The following AGR2 variants were observed in gnomAD, a reference collection of about 807,000 sequenced individuals.
AGR2 encodes anterior gradient 2, protein disulphide isomerase family member.
In AGR2, 27 loss-of-function variants were observed where a neutral mutation model predicts 25.9. The observed-to-expected ratio is 1.04, with a 90% CI of 0.77 to 1.44. The LOEUF (loss-of-function observed/expected upper bound fraction) is 1.44, where lower values mean the gene tolerates loss of function less well. Ranked by LOEUF, AGR2 falls within the 40% of genes most tolerant of loss-of-function variation. The pLI is 0.00. For synonymous variants in AGR2, 78 were observed against 72.0 expected, an observed-to-expected ratio of 1.08 and a Z score of -0.42; for missense variants, 182 against 200.9, an observed-to-expected ratio of 0.91 and a Z score of 0.57.
At chr7:16,804,301 A>T (rs904304275) in intron 1 of AGR2, among the ~76,000 whole-genome samples, 7 of 145,554 alleles carry the variant, frequency 4.8e-5, no homozygotes, top group African/African-American at 1.8e-4. Context: ...CACACACATT[A>T]TGTGAAGCCA....
At chr7:16,803,732 G>T (rs1003273394) in intron 1 of AGR2, among the ~76,000 whole-genome samples, 1 of 152,112 alleles carries the variant, frequency 6.6e-6, no homozygotes, top group Non-Finnish European at 1.5e-5. Flanking sequence ...CAACCTAAGT[G>T]TTCACTGTAA....
In AGR2 at chr7:16,792,911, C is replaced by T. The variant is rs753474844; in HGVS notation, c.525G>A (p.Leu175=). 1.2e-6 allele frequency: 2 copies of T among 1,613,728 alleles called. No homozygotes were observed. The highest frequency in any genetic ancestry group is 1.7e-6 in the Non-Finnish European group (2 of 1,179,784). ...AGGGCTTGGAGATTTTTTTTCTTTA[C>T]AATTCAGTCTTCAGCAACTTGAGAG... ...KKALKLLKTE[L] The change falls in exon 8 of 8, where the codon TTG becomes TTA. Residue 175 remains leucine, a synonymous_variant. Coordinates refer to ENST00000419304, the MANE Select transcript of AGR2 (RefSeq NM_006408.4).
chr7:16,797,806 C>G, intron 5 of AGR2, 112 bp from the exon 6 acceptor site: 1 of 750,020 alleles, frequency 1.3e-6, no homozygotes, highest in Middle Eastern at 3.0e-4. Context: ...GATATCATAA[C>G]TCTTCCACAC....
chr7:16,800,082 C>G (rs1785116033), intron 4 of AGR2, among the ~76,000 whole-genome samples: 1 of 152,154 alleles, frequency 6.6e-6, no homozygotes, highest in Non-Finnish European at 1.5e-5. Flanking sequence ...GTGTTACGCA[C>G]TGTGTTCTGT....
At chr7:16,796,015 T>C (rs149148027) in intron 6 of AGR2, among the ~76,000 whole-genome samples, 1,846 of 152,358 alleles carry the variant, frequency 0.012, 47 homozygotes, top group African/African-American at 0.041. Context: ...GAAGGGCTTT[T>C]TAAATACCCA....
intron 1 of AGR2, 132 bp from the exon 2 acceptor site, chr7:16,801,935 G>A (rs557899332): frequency 5.9e-5 from 39 of 665,782 alleles, no homozygotes; most frequent in African/African-American, 1.5e-4. Flanking sequence ...CGAGATTGGC[G>A]TAAATAGCTC....
intron 7 of AGR2, 186 bp downstream of exon 7, chr7:16,794,746 AAAAC>A (rs1785015073): frequency 5.6e-6 from 8 of 1,420,452 alleles, no homozygotes; most frequent in Non-Finnish European, 7.5e-6. Flanking sequence ...ATTGAGATTA[AAAAC>A]AAACAAACCT....
intron 7 of AGR2, 48 bp downstream of exon 7, chr7:16,794,888 A>G (rs781369034): frequency 1.2e-6 from 2 of 1,613,030 alleles, no homozygotes; most frequent in Non-Finnish European, 1.7e-6. Context: ...CTACAGCAAT[A>G]GAGGTGTTCA....
rs1784984145 is a variant in AGR2, at chr7:16,792,790, T to G, written c.*118A>C. 2.1e-6 allele frequency: 2 copies of G among 947,014 alleles called. No homozygotes were observed. The highest frequency in any genetic ancestry group is 3.4e-6 in the Non-Finnish European group (2 of 596,588). 58.7% of individuals were successfully genotyped at this position (947,014 alleles called of 1,614,324 possible). On this transcript the variant is annotated 3_prime_UTR_variant, in exon 8 of 8. Transcript: ENST00000419304. ...TCTTAAAAAATAGTTGTTGTAACATTAAACCATAACCTAATCAGTGTGTTC... is the reference window on the plus strand; with the variant it reads ...TCTTAAAAAATAGTTGTTGTAACATGAAACCATAACCTAATCAGTGTGTTC...
In AGR2 at chr7:16,795,020, C is replaced by T. The variant is rs1562525919; in HGVS notation, c.395-1G>A. ...TCGGCTCTAACTGTCAGAGATGGGT[C>T]TGCAAAGATAAATGAAGCAAAAGGG... On this transcript the variant is annotated splice_acceptor_variant, in intron 6 of 7. Transcript: ENST00000419304. LOFTEE classifies it high-confidence loss of function. 2.5e-6 allele frequency: 4 copies of T among 1,614,036 alleles called. No homozygotes were observed. The highest frequency in any genetic ancestry group is 1.7e-6 in the Non-Finnish European group (2 of 1,179,904).
At chr7:16,803,547 G>A (rs543078843) in intron 1 of AGR2, among the ~76,000 whole-genome samples, 14 of 152,186 alleles carry the variant, frequency 9.2e-5, no homozygotes, top group Admixed American at 5.9e-4. Context: ...CTACCAGATC[G>A]AAATGATGTT....
intron 1 of AGR2, among the ~76,000 whole-genome samples, chr7:16,802,735 T>C (rs966963107): frequency 2.0e-5 from 3 of 152,010 alleles, no homozygotes; most frequent in African/African-American, 7.2e-5. Flanking sequence ...TCTATAGATA[T>C]AGAGTTATCT....
In AGR2 at chr7:16,801,775, C is replaced by G; in HGVS notation, c.22G>C (p.Ala8Pro). The G allele has an allele frequency of 6.2e-7, 1 of 1,609,054 alleles. No homozygotes were observed. The highest frequency in any genetic ancestry group is 8.5e-7 in the Non-Finnish European group (1 of 1,176,966). ...GAGAGGGCCACAAGGAGCAAGAATG[C>G]TGACACTGGAATTTTCTCCATGGCA... MEKIPVS[A>P]FLLLVALSYT... Residue 8 changes from alanine (A) to proline (P), a missense_variant, in exon 2 of 8, where the codon GCA (alanine) becomes CCA (proline). Physicochemically the swap from Ala to Pro is conservative, Grantham distance 27. Transcript: ENST00000419304.
intron 1 of AGR2, among the ~76,000 whole-genome samples, chr7:16,804,073 G>A (rs1413560081): frequency 6.6e-6 from 1 of 151,890 alleles, no homozygotes; most frequent in Non-Finnish European, 1.5e-5. Context: ...TGTGTTTTAC[G>A]GCAGGATGAC....
At chr7:16,800,593 G>T (rs1785125704) in intron 4 of AGR2, among the ~76,000 whole-genome samples, 1 of 152,226 alleles carries the variant, frequency 6.6e-6, no homozygotes, top group South Asian at 2.1e-4. Flanking sequence ...GCTTCTGTGT[G>T]GACTGGCTGT....
intron 3 of AGR2, 35 bp downstream of exon 3, chr7:16,801,285 G>A: frequency 6.2e-7 from 1 of 1,610,436 alleles, no homozygotes; most frequent in Non-Finnish European, 8.5e-7. Context: ...GCTCTTGAGA[G>A]CTTTGAGGGA....
intron 5 of AGR2, among the ~76,000 whole-genome samples, chr7:16,798,303 T>A (rs1201947098): frequency 1.3e-5 from 2 of 152,150 alleles, no homozygotes; most frequent in Non-Finnish European, 2.9e-5. Context: ...TCTTTACAAA[T>A]GAACAGGAGT....
chr7:16,794,591 A>C (rs972908656), intron 7 of AGR2: 3 of 460,966 alleles, frequency 6.5e-6, no homozygotes, highest in Non-Finnish European at 1.1e-5. Context: ...AAATTAAGAC[A>C]TGCAGATTAT....
chr7:16,796,632 C>T (rs763348055), intron 6 of AGR2, among the ~76,000 whole-genome samples: 2 of 152,246 alleles, frequency 1.3e-5, no homozygotes, highest in Non-Finnish European at 2.9e-5. Flanking sequence ...TGCAGGGTCA[C>T]GTTGGGAATA....
Sources: gnomAD v4.1 joint callset for allele counts (sites outside exome capture counted in the v4.1 genomes callset) on GRCh38, gnomAD v4.1.1 for gene constraint, MANE v1.5 for transcripts, NCBI Gene and HGNC (gene_info 2026-07-23, HGNC 2026-07-21) for gene names.